Variants in ADAM22 observed in about 807,000 individuals in gnomAD.
ADAM22 encodes ADAM metallopeptidase domain 22.
In ADAM22, 65 loss-of-function variants were observed where a neutral mutation model predicts 144.6. The ratio of observed to expected loss-of-function variants is 0.45; its 90% CI spans 0.37 to 0.55. ADAM22 has a LOEUF of 0.55. Among genes scored for constraint, ADAM22 ranks in the 20% least tolerant of loss-of-function variants. The probability of loss-of-function intolerance (pLI) is 0.00; values close to 1 mark genes in which losing one functional copy is unlikely to be tolerated. For missense variants in ADAM22, 974 were observed against 1,184.9 expected (o/e 0.82, Z 2.61); for synonymous variants, 391 against 412.6 (o/e 0.95, Z 0.63).
At chr7:88,191,358 C>T (rs540594809) in intron 30 of ADAM22, among the ~76,000 whole-genome samples, 2 of 152,324 alleles carry the variant, frequency 1.3e-5, no homozygotes, top group South Asian at 4.1e-4. Context: ...GACACACATG[C>T]TGCAGCAGAT....
intron 3 of ADAM22, among the ~76,000 whole-genome samples, chr7:88,006,184 T>C (rs1793798335): frequency 6.6e-6 from 1 of 152,128 alleles, no homozygotes; most frequent in Admixed American, 6.6e-5. Context: ...ACATACACTC[T>C]CCCAATACTA....
intron 3 of ADAM22, among the ~76,000 whole-genome samples, chr7:88,074,389 G>A (rs959954202): frequency 6.6e-6 from 1 of 151,850 alleles, no homozygotes; most frequent in Non-Finnish European, 1.5e-5. Flanking sequence ...TGTCTTACTA[G>A]CAAAATATAT....
At chr7:88,083,354 G>T (rs1282906205) in intron 4 of ADAM22, among the ~76,000 whole-genome samples, 1 of 152,036 alleles carries the variant, frequency 6.6e-6, no homozygotes, top group Non-Finnish European at 1.5e-5. Flanking sequence ...GGGGGACTGG[G>T]GGAGGGATAG....
Position 88,083,660 on chromosome 7 carries a change from C to G in ADAM22, c.390+7968C>G, listed in dbSNP as rs79284194. 1.9e-3 allele frequency among the ~76,000 whole-genome samples: 283 copies of G among 146,998 alleles called. 3 individuals are homozygous for G. Among genetic ancestry groups the G allele is most frequent in the African/African-American group, 6.7e-3 (262 of 39,362 alleles). ...ATGTGTAGTATTTTAAAGCAAATTC[C>G]AGACTTTAGGACATTTTGTCAGTAA... On this transcript the variant is annotated intron_variant, in intron 4 of 31. Transcript: ENST00000413139.
At chr7:87,972,083 G>A (rs573611106) in intron 2 of ADAM22, among the ~76,000 whole-genome samples, 1 of 152,118 alleles carries the variant, frequency 6.6e-6, no homozygotes, top group African/African-American at 2.4e-5. Flanking sequence ...TTCTGGCCAG[G>A]GCAATCAGGC....
chr7:88,033,013 G>A (rs1006566730), intron 3 of ADAM22, among the ~76,000 whole-genome samples: 6 of 152,180 alleles, frequency 3.9e-5, no homozygotes, highest in Non-Finnish European at 8.8e-5. Flanking sequence ...CCATTCTCAG[G>A]TAGTTCTTTA....
intron 23 of ADAM22, among the ~76,000 whole-genome samples, chr7:88,164,916 C>A (rs1586390548): frequency 6.6e-6 from 1 of 152,080 alleles, no homozygotes; most frequent in Non-Finnish European, 1.5e-5. Flanking sequence ...TATGGTGAAT[C>A]AAATCCAGGC....
chr7:88,049,034 T>G (rs1006722513), intron 3 of ADAM22, among the ~76,000 whole-genome samples: 2 of 152,242 alleles, frequency 1.3e-5, no homozygotes, highest in African/African-American at 4.8e-5. Flanking sequence ...ATGACTTTTA[T>G]TACTTTATTT....
intron 2 of ADAM22, among the ~76,000 whole-genome samples, chr7:87,974,255 G>T (rs1256787721): frequency 6.8e-6 from 1 of 147,752 alleles, no homozygotes; most frequent in Non-Finnish European, 1.5e-5. Flanking sequence ...AGTGAGCCGA[G>T]ATCGTGCCAC....
In ADAM22 at chr7:88,075,610, A is replaced by G; in HGVS notation, c.324-16A>G. 1 of 1,611,430 alleles carries G rather than the reference A, an allele frequency of 6.2e-7. No homozygotes were observed. The highest frequency in any genetic ancestry group is 8.5e-7 in the Non-Finnish European group (1 of 1,178,050). On this transcript the variant is annotated splice_polypyrimidine_tract_variant and intron_variant, in intron 3 of 31. Transcript: ENST00000413139. ...TTGGGATCCTCTTTAGTCATCATTTATTTTTGTTGTTGCAGTGATTTGCTG... is the reference window on the plus strand; with the variant it reads ...TTGGGATCCTCTTTAGTCATCATTTGTTTTTGTTGTTGCAGTGATTTGCTG...
chr7:88,134,270 GTTCT>G, intron 12 of ADAM22, 55 bp from the exon 13 acceptor site: 4 of 1,325,444 alleles, frequency 3.0e-6, no homozygotes, highest in South Asian at 2.6e-5. Context: ...TTTTTCTCTG[GTTCT>G]TTGTCAGTGA....
Position 88,197,533 on chromosome 7 carries a change from A to C in ADAM22, c.*1042A>C, listed in dbSNP as rs1396248425. 4 of 152,190 alleles carry C rather than the reference A, an allele frequency of 2.6e-5. No individual in the cohort carries two copies. The highest frequency in any genetic ancestry group is 5.9e-5 in the Non-Finnish European group (4 of 68,038). 9.4% of individuals were successfully genotyped at this position (152,190 alleles called of 1,614,324 possible). On this transcript the variant is annotated 3_prime_UTR_variant, in exon 32 of 32. Coordinates refer to ENST00000413139, the MANE Select transcript of ADAM22 (RefSeq NM_001324418.2). Reference sequence around the variant, plus strand: ...CAGTGTGTGCTGCTGAGATTAAGCAAGTGCACCAAAGACACATGAGACAAC... The same window carrying C: ...CAGTGTGTGCTGCTGAGATTAAGCACGTGCACCAAAGACACATGAGACAAC...
At chr7:88,044,569 C>A (rs1407733770) in intron 3 of ADAM22, among the ~76,000 whole-genome samples, 1 of 151,788 alleles carries the variant, frequency 6.6e-6, no homozygotes, top group African/African-American at 2.4e-5. Flanking sequence ...GCCTCAGCCT[C>A]CTGAGTAGCC....
At chr7:88,031,004 T>TA (rs1800127227) in intron 3 of ADAM22, among the ~76,000 whole-genome samples, 1 of 152,072 alleles carries the variant, frequency 6.6e-6, no homozygotes, top group African/African-American at 2.4e-5. Flanking sequence ...TAGTCCCAGC[T>TA]ACTCAGGAGG....
rs199831182 is a variant in ADAM22, at chr7:88,055,365, C to CA, written c.324-20250dup. ...TGGGTCACGAAACTAGAACTCATCT[C>CA]AAAAAAAAAAATCGCTTTTTTTTTC... On this transcript the variant is annotated intron_variant, in intron 3 of 31. Transcript: ENST00000413139. 6.7e-3 allele frequency among the ~76,000 whole-genome samples: 978 copies of CA among 145,350 alleles called. 10 individuals are homozygous for CA. The highest frequency in any genetic ancestry group is 0.041 in the East Asian group (207 of 5,048).
chr7:88,093,371 C>G (rs1434142072), intron 4 of ADAM22, among the ~76,000 whole-genome samples: 2 of 151,702 alleles, frequency 1.3e-5, no homozygotes, highest in East Asian at 3.8e-4. Context: ...CCTTAGTTTC[C>G]AGTGAATAAG....
chr7:87,938,718 C>T (rs1393677960), intron 2 of ADAM22, among the ~76,000 whole-genome samples: 2 of 152,084 alleles, frequency 1.3e-5, no homozygotes, highest in Non-Finnish European at 2.9e-5. Flanking sequence ...GGCACAATCT[C>T]AACTCATGGC....
chr7:88,126,310 G>A (rs1343219524), intron 8 of ADAM22, among the ~76,000 whole-genome samples: 3 of 151,988 alleles, frequency 2.0e-5, no homozygotes, highest in Non-Finnish European at 4.4e-5. Context: ...AAGAGTTGTG[G>A]CCATCAGAAT....
intron 4 of ADAM22, among the ~76,000 whole-genome samples, chr7:88,100,653 G>A (rs1293302339): frequency 9.9e-5 from 15 of 152,090 alleles, no homozygotes; most frequent in Admixed American, 8.5e-4. Flanking sequence ...TGGCCCTAAG[G>A]AGACTTACTT....
Sources: allele counts gnomAD v4.1 joint callset (sites outside exome capture counted in the v4.1 genomes callset), GRCh38; gene constraint gnomAD v4.1.1; transcripts MANE v1.5; gene names NCBI Gene and HGNC (gene_info 2026-07-23, HGNC 2026-07-21).